Variants in FBXL7 observed in about 807,000 individuals in gnomAD.
The protein encoded by FBXL7 is F-box and leucine rich repeat protein 7.
FBXL7 carries 12 observed loss-of-function variants against 38.3 expected under a neutral mutation model. The observed-to-expected ratio is 0.31, with a 90% CI of 0.20 to 0.51. FBXL7 has a LOEUF of 0.51. FBXL7 is among the 20% of genes least tolerant of loss of function. The probability of loss-of-function intolerance (pLI) is 0.98; values close to 1 mark genes in which losing one functional copy is unlikely to be tolerated. For missense variants in FBXL7, 567 were observed against 676.4 expected, an observed-to-expected ratio of 0.84 and a Z score of 1.79; for synonymous variants, 297 against 300.9, an observed-to-expected ratio of 0.99 and a Z score of 0.13.
intron 1 of FBXL7, among the ~76,000 whole-genome samples, chr5:15,596,481 A>G (rs1463125479): frequency 6.6e-6 from 1 of 152,192 alleles, no homozygotes; most frequent in African/African-American, 2.4e-5. Flanking sequence ...TGGGTAACAT[A>G]GTGGGACCCT....
rs192380803 is a variant in FBXL7 at position 15,674,257 on chromosome 5, C to T, written c.127+58185C>T. Among the ~76,000 whole-genome samples, 59 of 152,278 alleles carry T rather than the reference C, an allele frequency of 3.9e-4. No homozygotes were observed. The East Asian group carries it at 8.5e-3, about 22-fold the overall frequency. On this transcript the variant is annotated intron_variant, in intron 2 of 3. Transcript: ENST00000504595. ...TGTTAATGTTATCACAATATCTGTA[C>T]GTAGTTCACAGAACAGTTTATTTAG...
intron 1 of FBXL7, among the ~76,000 whole-genome samples, chr5:15,541,464 T>C (rs1737749924): frequency 8.0e-6 from 1 of 125,600 alleles, no homozygotes; most frequent in Non-Finnish European, 1.7e-5. Context: ...TATATATATA[T>C]ATATATATAT....
intron 2 of FBXL7, among the ~76,000 whole-genome samples, chr5:15,870,330 C>CA (rs1427423443): frequency 6.6e-6 from 1 of 151,990 alleles, no homozygotes; most frequent in Non-Finnish European, 1.5e-5. Context: ...GTGGCACAGA[C>CA]AAAATCAAGA....
intron 2 of FBXL7, among the ~76,000 whole-genome samples, chr5:15,648,237 A>G (rs1561068486): frequency 6.6e-6 from 1 of 152,200 alleles, no homozygotes; most frequent in Non-Finnish European, 1.5e-5. Context: ...TAAATTTATT[A>G]GTTTCGTGGA....
chr5:15,551,132 C>T (rs1368165020), intron 1 of FBXL7, among the ~76,000 whole-genome samples: 1 of 152,204 alleles, frequency 6.6e-6, no homozygotes, highest in African/African-American at 2.4e-5. Context: ...AGCCCTGCCA[C>T]AGAATTGTCA....
Position 15,752,034 on chromosome 5 carries a change from T to G in FBXL7, c.127+135962T>G, listed in dbSNP as rs73070594. On this transcript the variant is annotated intron_variant, in intron 2 of 3. Transcript: ENST00000504595. Reference sequence around the variant, plus strand: ...TTTCATGGCTCCTTTTGCAAAAGTTTGAAGACCTTGAGTTTATTTCATGTC... The same window carrying G: ...TTTCATGGCTCCTTTTGCAAAAGTTGGAAGACCTTGAGTTTATTTCATGTC... Among the ~76,000 whole-genome samples, 606 of 152,336 alleles carry G rather than the reference T, an allele frequency of 4.0e-3. 4 individuals are homozygous for G. The highest frequency in any genetic ancestry group is 0.014 in the African/African-American group (582 of 41,576).
At chr5:15,749,451 C>G (rs1354452865) in intron 2 of FBXL7, among the ~76,000 whole-genome samples, 1 of 151,598 alleles carries the variant, frequency 6.6e-6, no homozygotes, top group Non-Finnish European at 1.5e-5. Flanking sequence ...ACGGTGAAAC[C>G]CCATCTCTGT....
chr5:15,751,473 G>T (rs1294919711), intron 2 of FBXL7, among the ~76,000 whole-genome samples: 1 of 152,128 alleles, frequency 6.6e-6, no homozygotes, highest in Non-Finnish European at 1.5e-5. Flanking sequence ...ATCTACAAAT[G>T]GTTTTGATTC....
At chr5:15,881,913 A>G (rs1452583310) in intron 2 of FBXL7, among the ~76,000 whole-genome samples, 19 of 152,230 alleles carry the variant, frequency 1.2e-4, no homozygotes, top group Non-Finnish European at 2.6e-4. Context: ...CAGGCTATAT[A>G]GGAAGCATAA....
chr5:15,912,663 A>G (rs1160728993), intron 2 of FBXL7, among the ~76,000 whole-genome samples: 1 of 152,090 alleles, frequency 6.6e-6, no homozygotes, highest in East Asian at 1.9e-4. Context: ...TTTCTATTAA[A>G]AAAAAAAGAA....
intron 1 of FBXL7, among the ~76,000 whole-genome samples, chr5:15,612,568 GA>G (rs1740283978): frequency 1.3e-5 from 2 of 151,938 alleles, no homozygotes; most frequent in African/African-American, 4.8e-5. Context: ...TAAAAATAAT[GA>G]ATAACTGTGT....
rs371107503 is a variant in FBXL7 at position 15,863,999 on chromosome 5, G to T, written c.128-63891G>T. Among the ~76,000 whole-genome samples, 29 of 152,014 alleles carry T rather than the reference G, an allele frequency of 1.9e-4. 1 individual carries two copies. The South Asian group carries it at 6.0e-3, about 32-fold the overall frequency. ...ACTAGAGTTACGGATGGGTATTGAG[G>T]ACTGTGATGTGCTAAGAATGGATGA... On this transcript the variant is annotated intron_variant, in intron 2 of 3. Transcript: ENST00000504595.
At chr5:15,745,523 A>G (rs767585550) in intron 2 of FBXL7, among the ~76,000 whole-genome samples, 21 of 152,218 alleles carry the variant, frequency 1.4e-4, no homozygotes, top group Non-Finnish European at 2.9e-4. Context: ...CAGTGGACTG[A>G]AGTGAAAAAA....
chr5:15,717,691 A>G (rs1256451200), intron 2 of FBXL7, among the ~76,000 whole-genome samples: 1 of 152,222 alleles, frequency 6.6e-6, no homozygotes, highest in Non-Finnish European at 1.5e-5. Context: ...GCTGTGTTGT[A>G]TATCGGCCAA....
chr5:15,897,127 T>C (rs754781058), intron 2 of FBXL7, among the ~76,000 whole-genome samples: 5 of 152,142 alleles, frequency 3.3e-5, no homozygotes, highest in African/African-American at 4.8e-5. Context: ...AGTGAGACTC[T>C]ATCTCTCTCT....
intron 2 of FBXL7, among the ~76,000 whole-genome samples, chr5:15,868,705 T>A (rs1023127516): frequency 6.6e-6 from 1 of 152,122 alleles, no homozygotes; most frequent in African/African-American, 2.4e-5. Flanking sequence ...TGGAAGGATC[T>A]CCCCGCAGAT....
intron 2 of FBXL7, among the ~76,000 whole-genome samples, chr5:15,624,869 G>GT (rs548586309): frequency 0.12 from 15,902 of 135,794 alleles, 891 homozygotes; most frequent in South Asian, 0.14. Flanking sequence ...GTACATGTTT[G>GT]TTTTTTTTTT....
intron 1 of FBXL7, among the ~76,000 whole-genome samples, chr5:15,538,405 G>A (rs543257043): frequency 3.9e-5 from 6 of 152,284 alleles, no homozygotes; most frequent in African/African-American, 2.4e-5. Context: ...TCAATGGTTC[G>A]TTATTAGAAT....
chr5:15,546,117 A>C (rs564754569), intron 1 of FBXL7, among the ~76,000 whole-genome samples: 1 of 152,268 alleles, frequency 6.6e-6, no homozygotes, highest in Non-Finnish European at 1.5e-5. Context: ...AATTCAATTT[A>C]CCCTTTTACA....
Sources: allele counts gnomAD v4.1 joint callset (sites outside exome capture counted in the v4.1 genomes callset), GRCh38; gene constraint gnomAD v4.1.1; transcripts MANE v1.5; gene names NCBI Gene and HGNC (gene_info 2026-07-23, HGNC 2026-07-21).